NLRP8: variants seen among roughly 807,000 people sequenced by gnomAD.
The protein encoded by NLRP8 is NLR family pyrin domain containing 8.
Under a neutral mutation model 88.7 loss-of-function variants are expected in NLRP8, and 86 were observed. That is an observed-to-expected ratio of 0.97 (90% CI 0.81 to 1.16). NLRP8 has a LOEUF of 1.16. Among genes scored for constraint, NLRP8 ranks in the 50% most tolerant of loss-of-function variants. NLRP8 has a pLI of 0.00. For missense variants in NLRP8, 1,342 were observed against 1,286.5 expected (o/e 1.04, Z -0.66); for synonymous variants, 504 against 494.6 (o/e 1.02, Z -0.25).
intron 9 of NLRP8, among the ~76,000 whole-genome samples, chr19:55,985,164 G>C (rs570363053): frequency 6.6e-6 from 1 of 152,072 alleles, no homozygotes; most frequent in Non-Finnish European, 1.5e-5. Flanking sequence ...TTAGCCAGGC[G>C]TGGTGGCGGG....
intron 9 of NLRP8, among the ~76,000 whole-genome samples, chr19:55,980,387 A>G (rs1231285280): frequency 6.6e-6 from 1 of 152,194 alleles, no homozygotes; most frequent in African/African-American, 2.4e-5. Context: ...CTATGCAGTG[A>G]ATTACCTCAA....
intron 9 of NLRP8, among the ~76,000 whole-genome samples, chr19:55,983,598 A>G (rs186998366): frequency 1.8e-4 from 27 of 152,164 alleles, no homozygotes; most frequent in African/African-American, 6.5e-4. Flanking sequence ...CCCAGAAACT[A>G]CATGTGAATT....
chr19:55,978,567 T>C (rs1980444802), intron 8 of NLRP8, among the ~76,000 whole-genome samples: 1 of 152,114 alleles, frequency 6.6e-6, no homozygotes, highest in Non-Finnish European at 1.5e-5. Context: ...ATACAGCCAC[T>C]CATCCCACTC....
At chr19:55,982,211 T>C (rs995535237) in intron 9 of NLRP8, among the ~76,000 whole-genome samples, 3 of 152,134 alleles carry the variant, frequency 2.0e-5, no homozygotes, top group Non-Finnish European at 4.4e-5. Flanking sequence ...CCAGGTTGAT[T>C]TCTTAATTCT....
chr19:55,948,876 A>C (rs938321499), intron 1 of NLRP8, among the ~76,000 whole-genome samples: 12 of 152,250 alleles, frequency 7.9e-5, no homozygotes, highest in African/African-American at 1.9e-4. Context: ...TGGTATAGCT[A>C]TGGTGATGTC....
At position 55,987,968 on chromosome 19, in the gene NLRP8, T is replaced by A; in HGVS notation, c.*55T>A. 7.3e-7 allele frequency: 1 copy of A among 1,370,924 alleles called. No homozygotes were observed. The highest frequency in any genetic ancestry group is 1.0e-6 in the Non-Finnish European group (1 of 959,198). 84.9% of individuals were successfully genotyped at this position (1,370,924 alleles called of 1,614,324 possible). ...ATTGATCAGTTCCCACTCTGACAAC[T>A]GGCAAATACCAGGCGTTATCATCCT... On this transcript the variant is annotated 3_prime_UTR_variant, in exon 10 of 10. Coordinates refer to ENST00000291971, the MANE Select transcript of NLRP8 (RefSeq NM_176811.2).
intron 3 of NLRP8, among the ~76,000 whole-genome samples, chr19:55,957,659 A>C (rs1979414416): frequency 8.9e-6 from 1 of 112,354 alleles, no homozygotes; most frequent in African/African-American, 4.7e-5. Context: ...ATCTTAAAAA[A>C]GAAAAAATAA....
chr19:55,979,633 G>T (rs749499416), intron 9 of NLRP8, 69 bp downstream of exon 9: 9 of 1,553,800 alleles, frequency 5.8e-6, no homozygotes, highest in Admixed American at 3.4e-5. Flanking sequence ...AACGTGAGAT[G>T]CTGGGCTGGG....
At chr19:55,968,785 T>C (rs1031421840) in intron 5 of NLRP8, among the ~76,000 whole-genome samples, 3 of 152,206 alleles carry the variant, frequency 2.0e-5, no homozygotes, top group Non-Finnish European at 2.9e-5. Context: ...TTAGAAAACA[T>C]TCTTGGTTGA....
chr19:55,959,401 A>C (rs1005822570), intron 3 of NLRP8, among the ~76,000 whole-genome samples: 14 of 150,590 alleles, frequency 9.3e-5, no homozygotes, highest in African/African-American at 3.4e-4. Flanking sequence ...TTTAGTAGAG[A>C]CGGGGTTTCA....
At chr19:55,968,944 A>G (rs1479347829) in intron 5 of NLRP8, among the ~76,000 whole-genome samples, 1 of 150,966 alleles carries the variant, frequency 6.6e-6, no homozygotes, top group African/African-American at 2.4e-5. Context: ...ACCTCCTCCC[A>G]CTCCTCGCTC....
intron 4 of NLRP8, among the ~76,000 whole-genome samples, chr19:55,963,385 A>G (rs1979699764): frequency 6.6e-6 from 1 of 152,200 alleles, no homozygotes; most frequent in Admixed American, 6.5e-5. Context: ...GACAAGCCTT[A>G]GGTAAATCAC....
At chr19:55,980,700 G>T (rs893758785) in intron 9 of NLRP8, among the ~76,000 whole-genome samples, 4 of 152,182 alleles carry the variant, frequency 2.6e-5, no homozygotes, top group Non-Finnish European at 5.9e-5. Context: ...AGAGAGAGAT[G>T]ACTGACAGCT....
intron 3 of NLRP8, among the ~76,000 whole-genome samples, chr19:55,959,450 G>A (rs954714272): frequency 1.5e-4 from 22 of 151,548 alleles, no homozygotes; most frequent in African/African-American, 5.3e-4. Context: ...CTGACCTCAT[G>A]ATCCACCCGC....
intron 5 of NLRP8, 32 bp from the exon 6 acceptor site, chr19:55,970,512 C>T: frequency 1.9e-6 from 3 of 1,610,984 alleles, no homozygotes; most frequent in African/African-American, 1.3e-5. Flanking sequence ...TCCCCAGAAC[C>T]ATGGCTCAGC....
chr19:55,966,482 T>TG, intron 5 of NLRP8, 102 bp downstream of exon 5: 2 of 1,151,926 alleles, frequency 1.7e-6, no homozygotes, highest in Non-Finnish European at 2.5e-6. Context: ...TTTCCTTTGA[T>TG]CTGCTGTTGG....
intron 6 of NLRP8, among the ~76,000 whole-genome samples, chr19:55,971,661 A>G (rs1038548768): frequency 8.1e-6 from 1 of 123,722 alleles, no homozygotes; most frequent in African/African-American, 3.9e-5. Context: ...AGACACACAC[A>G]CACACGCACA....
At chr19:55,953,237 C>A (rs556615854) in intron 2 of NLRP8, among the ~76,000 whole-genome samples, 4 of 152,116 alleles carry the variant, frequency 2.6e-5, no homozygotes, top group African/African-American at 9.7e-5. Context: ...GATCCGTCAC[C>A]GTCTCCCATC....
intron 9 of NLRP8, among the ~76,000 whole-genome samples, chr19:55,980,391 A>G (rs1980521865): frequency 6.6e-6 from 1 of 152,182 alleles, no homozygotes; most frequent in Non-Finnish European, 1.5e-5. Context: ...GCAGTGAATT[A>G]CCTCAACGCT....
Sources: allele counts gnomAD v4.1 joint callset (sites outside exome capture counted in the v4.1 genomes callset), GRCh38; gene constraint gnomAD v4.1.1; transcripts MANE v1.5; gene names NCBI Gene and HGNC (gene_info 2026-07-23, HGNC 2026-07-21).